The following EPS15 variants were observed in gnomAD, a reference collection of about 807,000 sequenced individuals.
EPS15 encodes epidermal growth factor receptor pathway substrate 15.
EPS15 carries 72 observed loss-of-function variants against 113.8 expected under a neutral mutation model. The ratio of observed to expected loss-of-function variants is 0.63; its 90% CI spans 0.52 to 0.77. EPS15 has a LOEUF of 0.77. EPS15 is among the 30% of genes least tolerant of loss of function. EPS15 has a pLI of 0.00. For missense variants in EPS15, 1,048 were observed against 1,045.8 expected (o/e 1.00, Z -0.03); for synonymous variants, 344 against 363.4 (o/e 0.95, Z 0.61).
chr1:51,442,181 T>G (rs1652648465), intron 11 of EPS15, among the ~76,000 whole-genome samples: 1 of 152,200 alleles, frequency 6.6e-6, no homozygotes, highest in Non-Finnish European at 1.5e-5. Context: ...AATTATTCAC[T>G]AGTATTTTAA....
Position 51,355,131 on chromosome 1 carries a change from G to T in EPS15, c.*1569C>A, listed in dbSNP as rs1268908119. 4.6e-6 allele frequency: 1 copy of T among 218,624 alleles called. No individual in the cohort carries two copies. The highest frequency in any genetic ancestry group is 9.2e-6 in the Non-Finnish European group (1 of 108,596). The allele number at this position is 218,624 out of a possible 1,614,324, so 13.5% of individuals were successfully genotyped here. On this transcript the variant is annotated 3_prime_UTR_variant, in exon 25 of 25. Transcript: ENST00000371733. ...AGAAATGTTTCTATTTACAAAGGTA[G>T]AAAAAAGTTAGCAGTGCAAGATAGT...
At chr1:51,423,957 A>G (rs1650992426) in intron 12 of EPS15, among the ~76,000 whole-genome samples, 1 of 152,102 alleles carries the variant, frequency 6.6e-6, no homozygotes, top group South Asian at 2.1e-4. Context: ...GGAGGAAAGG[A>G]TGGTGTTATC....
chr1:51,497,212 G>A (rs748847665), intron 1 of EPS15, among the ~76,000 whole-genome samples: 4 of 152,146 alleles, frequency 2.6e-5, no homozygotes, highest in Non-Finnish European at 5.9e-5. Flanking sequence ...GTACTACCAA[G>A]TACATACATA....
At chr1:51,385,148 A>AC (rs1647033115) in intron 21 of EPS15, among the ~76,000 whole-genome samples, 1 of 152,226 alleles carries the variant, frequency 6.6e-6, no homozygotes, top group African/African-American at 2.4e-5. Context: ...TGAAAAGGTA[A>AC]CCCACAGGAT....
intron 13 of EPS15, among the ~76,000 whole-genome samples, chr1:51,414,299 G>A (rs143750400): frequency 0.032 from 4,856 of 151,860 alleles, 125 homozygotes; most frequent in Non-Finnish European, 0.05. Flanking sequence ...TGTAATTCCC[G>A]CTACTAGGGA....
intron 12 of EPS15, among the ~76,000 whole-genome samples, chr1:51,430,977 T>TACACACACAC (rs67920039): frequency 1.8e-4 from 22 of 122,026 alleles, no homozygotes; most frequent in South Asian, 5.7e-4. Flanking sequence ...ATTACTTACA[T>TACACACACAC]ACACACACAC....
In EPS15 at chr1:51,501,323, G is replaced by A. The variant is rs1322510807; in HGVS notation, c.33+17876C>T. On this transcript the variant is annotated intron_variant, in intron 1 of 24. Coordinates refer to ENST00000371733, the MANE Select transcript of EPS15 (RefSeq NM_001981.3). ...CCCAGGAGGCTGAGGAAGGAGAATTGCTTGAACCCGGGAGGTGGAGGTTGC... is the reference window on the plus strand; with the variant it reads ...CCCAGGAGGCTGAGGAAGGAGAATTACTTGAACCCGGGAGGTGGAGGTTGC... Among the ~76,000 whole-genome samples the A allele has an allele frequency of 4.7e-5, 7 of 148,902 alleles. No homozygotes were observed. In the East Asian group the frequency reaches 6.3e-4, roughly 13 times the overall value.
At chr1:51,497,489 T>C (rs1644344049) in intron 1 of EPS15, among the ~76,000 whole-genome samples, 1 of 152,230 alleles carries the variant, frequency 6.6e-6, no homozygotes, top group Non-Finnish European at 1.5e-5. Context: ...ATGGTGACTA[T>C]GATGCACATT....
chr1:51,431,676 C>T (rs2148463481), intron 12 of EPS15, among the ~76,000 whole-genome samples: 1 of 152,084 alleles, frequency 6.6e-6, no homozygotes, highest in African/African-American at 2.4e-5. Flanking sequence ...AAACTCCTGA[C>T]CCTCAGGTGA....
At chr1:51,498,928 T>A (rs904134867) in intron 1 of EPS15, among the ~76,000 whole-genome samples, 1 of 152,180 alleles carries the variant, frequency 6.6e-6, no homozygotes, top group Admixed American at 6.5e-5. Flanking sequence ...GCTCCTCCCT[T>A]GTGAATGCAA....
At chr1:51,410,254 G>C (rs2148432459) in intron 13 of EPS15, among the ~76,000 whole-genome samples, 1 of 151,868 alleles carries the variant, frequency 6.6e-6, no homozygotes, top group East Asian at 1.9e-4. Flanking sequence ...AGCTGGACGT[G>C]GTAGTACGTG....
intron 21 of EPS15, among the ~76,000 whole-genome samples, chr1:51,370,772 C>G (rs1015106275): frequency 6.6e-6 from 1 of 151,868 alleles, no homozygotes; most frequent in African/African-American, 2.4e-5. Flanking sequence ...AGGCACGTAC[C>G]ACCATGCCTG....
chr1:51,484,286 G>A (rs1423740681), intron 1 of EPS15, among the ~76,000 whole-genome samples: 1 of 152,012 alleles, frequency 6.6e-6, no homozygotes, highest in Non-Finnish European at 1.5e-5. Flanking sequence ...ATTGGGCCAG[G>A]TGTAGTCGCT....
At chr1:51,422,153 G>A in intron 12 of EPS15, 3 of 670,232 alleles carry the variant, frequency 4.5e-6, no homozygotes, top group Non-Finnish European at 6.0e-6. Context: ...TGATGTCACT[G>A]TTGCTATGGA....
chr1:51,477,665 G>T, intron 2 of EPS15, among the ~76,000 whole-genome samples: 1 of 152,006 alleles, frequency 6.6e-6, no homozygotes, highest in East Asian at 1.9e-4. Context: ...CTTTGTTCTC[G>T]TTGGTTTCAA....
intron 1 of EPS15, among the ~76,000 whole-genome samples, chr1:51,505,427 T>C (rs753941366): frequency 6.6e-6 from 1 of 152,206 alleles, no homozygotes; most frequent in Non-Finnish European, 1.5e-5. Flanking sequence ...CATAAGAGTA[T>C]ATGTATTATA....
chr1:51,381,354 A>T (rs1416273030), intron 21 of EPS15, among the ~76,000 whole-genome samples: 1 of 152,226 alleles, frequency 6.6e-6, no homozygotes, highest in East Asian at 1.9e-4. Context: ...ACACTTTGGG[A>T]GGCCGAGATG....
chr1:51,378,193 G>A (rs993985293), intron 21 of EPS15, among the ~76,000 whole-genome samples: 12 of 145,442 alleles, frequency 8.3e-5, no homozygotes, highest in South Asian at 2.1e-4. Context: ...CACTGTGCCC[G>A]ATCATTAGCA....
chr1:51,484,069 C>T (rs1378359843), intron 1 of EPS15, among the ~76,000 whole-genome samples: 1 of 151,554 alleles, frequency 6.6e-6, no homozygotes, highest in Non-Finnish European at 1.5e-5. Flanking sequence ...TGTGATTGTG[C>T]CACTGCACTC....
Sources: allele counts gnomAD v4.1 joint callset (sites outside exome capture counted in the v4.1 genomes callset), GRCh38; gene constraint gnomAD v4.1.1; transcripts MANE v1.5; gene names NCBI Gene and HGNC (gene_info 2026-07-23, HGNC 2026-07-21).